The following VAPB variants were observed in gnomAD, a reference collection of about 807,000 sequenced individuals.
VAPB encodes the protein vesicle-associated membrane protein-associated protein B/C.
Under a neutral mutation model 25.6 loss-of-function variants are expected in VAPB, and 7 were observed. The observed-to-expected ratio is 0.27, with a 90% CI of 0.16 to 0.51. The LOEUF is 0.51. Among genes scored for constraint, VAPB ranks in the 20% least tolerant of loss-of-function variants. The pLI is 0.97. For synonymous variants in VAPB, 112 were observed against 109.2 expected (o/e 1.03, Z -0.16); for missense variants, 266 against 301.3 (o/e 0.88, Z 0.87).
intron 2 of VAPB, among the ~76,000 whole-genome samples, chr20:58,423,414 C>CAAAAAAAAAAGAAAAAA (rs1988712241): frequency 2.9e-5 from 1 of 34,758 alleles, no homozygotes. Flanking sequence ...CTCCATCTCA[C>CAAAAAAAAAAGAAAAAA]AAAAAAAAAA....
chr20:58,417,673 T>C (rs1199968754), intron 1 of VAPB, among the ~76,000 whole-genome samples: 4 of 152,206 alleles, frequency 2.6e-5, no homozygotes, highest in Non-Finnish European at 5.9e-5. Context: ...TGTTGAGAGT[T>C]ACTGTGTTTA....
At chr20:58,413,133 T>TGCC (rs1413604206) in intron 1 of VAPB, among the ~76,000 whole-genome samples, 5 of 103,758 alleles carry the variant, frequency 4.8e-5, no homozygotes, top group African/African-American at 1.6e-4. Flanking sequence ...GTATTGTATT[T>TGCC]GCCTTCTTTT....
chr20:58,447,536 A>G lies in VAPB; in HGVS notation c.*3301A>G. 2.2e-6 allele frequency: 1 copy of G among 454,124 alleles called. No homozygotes were observed. The highest frequency in any genetic ancestry group is 4.4e-6 in the Non-Finnish European group (1 of 226,790). 28.1% of individuals were successfully genotyped at this position (454,124 alleles called of 1,614,324 possible). On this transcript the variant is annotated 3_prime_UTR_variant, in exon 6 of 6. Transcript: ENST00000475243. ...CTTTCAAACAAATCCCAGGAACAGA[A>G]TTGCTATCGAAAGATATCATTGCCC...
intron 2 of VAPB, among the ~76,000 whole-genome samples, chr20:58,419,615 G>T (rs1988625551): frequency 6.6e-6 from 1 of 152,218 alleles, no homozygotes; most frequent in Admixed American, 6.5e-5. Flanking sequence ...ACAGAGCCAA[G>T]ATGTGGATCA....
chr20:58,434,763 A>G (rs777784824), intron 3 of VAPB, 58 bp downstream of exon 3: 3 of 873,526 alleles, frequency 3.4e-6, no homozygotes, highest in Non-Finnish European at 5.8e-6. Flanking sequence ...AACCAATTAG[A>G]TATGGAATTG....
chr20:58,391,437 T>C (rs1393979978), intron 1 of VAPB, among the ~76,000 whole-genome samples: 1 of 151,958 alleles, frequency 6.6e-6, no homozygotes, highest in Non-Finnish European at 1.5e-5. Context: ...AGAAGAAGGC[T>C]CAAAGAAGGA....
In VAPB at chr20:58,428,292, TG is replaced by T. The variant is rs538858685; in HGVS notation, c.212-6308del. 1.6e-3 allele frequency among the ~76,000 whole-genome samples: 246 copies of T among 152,356 alleles called. 2 individuals carry two copies. The highest frequency in any genetic ancestry group is 5.8e-3 in the African/African-American group (243 of 41,588). The stretch of plus-strand genomic sequence containing the variant: ...GCATTAATGTAGATGAGTAGTGACC[TG>T]GCTTCCAGGCTGTCTTCTGGTAACA... On this transcript the variant is annotated intron_variant, in intron 2 of 5. Coordinates refer to ENST00000475243, the MANE Select transcript of VAPB (RefSeq NM_004738.5).
chr20:58,424,281 G>A (rs1988737291), intron 2 of VAPB, among the ~76,000 whole-genome samples: 1 of 152,152 alleles, frequency 6.6e-6, no homozygotes, highest in South Asian at 2.1e-4. Context: ...ACCCTGTCCT[G>A]GTTGCCAGCT....
chr20:58,427,757 T>C (rs1486119342), intron 2 of VAPB, among the ~76,000 whole-genome samples: 2 of 152,080 alleles, frequency 1.3e-5, no homozygotes, highest in African/African-American at 4.8e-5. Flanking sequence ...CTGTTACCAT[T>C]ATGATGCAGA....
intron 2 of VAPB, among the ~76,000 whole-genome samples, chr20:58,426,987 G>A (rs1353848842): frequency 4.6e-5 from 7 of 152,084 alleles, no homozygotes; most frequent in African/African-American, 1.7e-4. Context: ...TATGATGCAG[G>A]CGAAAGTGAT....
chr20:58,439,108 A>C, intron 4 of VAPB, 83 bp downstream of exon 4: 1 of 1,323,756 alleles, frequency 7.6e-7, no homozygotes, highest in Admixed American at 1.7e-5. Flanking sequence ...ACCAAGATTT[A>C]AGTTGGCAAA....
intron 2 of VAPB, among the ~76,000 whole-genome samples, chr20:58,420,531 C>T (rs1600798970): frequency 1.3e-5 from 2 of 152,282 alleles, no homozygotes; most frequent in East Asian, 3.9e-4. Context: ...ATCCAGTGCT[C>T]TTTCTGTCAT....
chr20:58,409,902 TATACACAC>T (rs1437937331), intron 1 of VAPB, among the ~76,000 whole-genome samples: 2 of 120,124 alleles, frequency 1.7e-5, no homozygotes, highest in Admixed American at 8.3e-5. Context: ...TCTTTATTCA[TATACACAC>T]ACACACACAC....
In VAPB at chr20:58,403,233, A is replaced by T. The variant is rs117932411; in HGVS notation, c.58+13716A>T. Among the ~76,000 whole-genome samples, 1,506 of 152,350 alleles carry T rather than the reference A, an allele frequency of 9.9e-3. 8 individuals carry two copies. The highest frequency in any genetic ancestry group is 0.015 in the Non-Finnish European group (1,025 of 68,026). Reference sequence around the variant, plus strand: ...TCCTCCTCTTCTATTTCAGAGAGTCAGGACTACCTCTTAGGTGTGTGTTCT... The same window carrying T: ...TCCTCCTCTTCTATTTCAGAGAGTCTGGACTACCTCTTAGGTGTGTGTTCT... On this transcript the variant is annotated intron_variant, in intron 1 of 5. Transcript: ENST00000475243.
intron 2 of VAPB, among the ~76,000 whole-genome samples, chr20:58,419,238 C>T (rs1252410192): frequency 1.3e-5 from 2 of 152,114 alleles, no homozygotes; most frequent in Non-Finnish European, 2.9e-5. Flanking sequence ...GATTGTGATA[C>T]ACTTGGCTAT....
At chr20:58,395,111 G>A (rs1055426570) in intron 1 of VAPB, among the ~76,000 whole-genome samples, 1 of 150,700 alleles carries the variant, frequency 6.6e-6, no homozygotes, top group Non-Finnish European at 1.5e-5. Context: ...TTTTAGAACC[G>A]AAACTTGAAT....
chr20:58,398,476 C>T (rs1213397656), intron 1 of VAPB, among the ~76,000 whole-genome samples: 1 of 152,172 alleles, frequency 6.6e-6, no homozygotes, highest in East Asian at 1.9e-4. Flanking sequence ...TGAAAGCTTC[C>T]TGTGGGCCAG....
At chr20:58,409,670 T>C (rs1021765150) in intron 1 of VAPB, among the ~76,000 whole-genome samples, 2 of 152,190 alleles carry the variant, frequency 1.3e-5, no homozygotes, top group African/African-American at 4.8e-5. Context: ...GAAAAAACTG[T>C]TGTGAAGCTA....
chr20:58,389,302 A>AACCCC lies in VAPB; in HGVS notation c.-158_-157insACCCC. 1 of 399,632 alleles carries AACCCC rather than the reference A, an allele frequency of 2.5e-6. No individual in the cohort carries two copies. The allele number at this position is 399,632 out of a possible 1,614,324, so 24.8% of individuals were successfully genotyped here. A position where few individuals can be genotyped will look rare whatever the true frequency, so the allele number is the denominator to read the frequency against. ...CCCTGCGCCTGCACCGCGTAGACCG[A>AACCCC]CCCCCCCCCAGCGCGCCCACCCGGT... is the stretch of plus-strand genomic sequence containing the variant. On this transcript the variant is annotated 5_prime_UTR_variant, in exon 1 of 6. Coordinates refer to ENST00000475243, the MANE Select transcript of VAPB (RefSeq NM_004738.5).
Sources: gnomAD v4.1 joint callset for allele counts (sites outside exome capture counted in the v4.1 genomes callset) on GRCh38, gnomAD v4.1.1 for gene constraint, MANE v1.5 for transcripts, NCBI Gene and HGNC (gene_info 2026-07-23, HGNC 2026-07-21) for gene names.